Variants in SPMIP4 observed in about 807,000 individuals in gnomAD.
SPMIP4 encodes the protein sperm-associated microtubule inner protein 4.
At chr7:25,131,019 G>T in the SPMIP4 span, among the ~76,000 whole-genome samples, 3 of 152,312 alleles carry the variant, frequency 2.0e-5, no homozygotes, top group South Asian at 2.1e-4. This position sits in a 1 kb window ranked among gnomAD's most constrained non-coding sequence, Gnocchi z 4.2. Flanking sequence ...GGAGGTGAGT[G>T]GGGGGTGAGC....
the SPMIP4 span, among the ~76,000 whole-genome samples, chr7:25,126,525 T>C: frequency 6.6e-6 from 1 of 152,174 alleles, no homozygotes; most frequent in Non-Finnish European, 1.5e-5. Flanking sequence ...CAACATAACA[T>C]TGATTGCATA....
chr7:25,179,290 T>C, the SPMIP4 span: 1 of 1,611,814 alleles, frequency 6.2e-7, no homozygotes, highest in Non-Finnish European at 8.5e-7. Context: ...CAGTAGGGCC[T>C]GCCGTGAATG....
the SPMIP4 span, chr7:25,168,487 A>G: frequency 1.3e-6 from 2 of 1,560,944 alleles, no homozygotes; most frequent in Non-Finnish European, 1.7e-6. Flanking sequence ...GAGAGACTTC[A>G]AAGAGCCTCA....
At chr7:25,129,319 G>T in the SPMIP4 span, among the ~76,000 whole-genome samples, 1 of 152,208 alleles carries the variant, frequency 6.6e-6, no homozygotes, top group Non-Finnish European at 1.5e-5. Flanking sequence ...TGGCTGCTTG[G>T]ATGAATGACT....
chr7:25,164,747 C>T, the SPMIP4 span, among the ~76,000 whole-genome samples: 2 of 152,158 alleles, frequency 1.3e-5, no homozygotes, highest in Admixed American at 1.3e-4. Flanking sequence ...GTACACTGTA[C>T]CCAATGTGTA....
the SPMIP4 span, chr7:25,179,745 C>G: frequency 6.5e-6 from 1 of 153,216 alleles, no homozygotes; most frequent in Admixed American, 6.5e-5. Context: ...TTCGGGGATT[C>G]TGGACAAGAA....
At chr7:25,152,348 G>C in the SPMIP4 span, among the ~76,000 whole-genome samples, 1 of 152,140 alleles carries the variant, frequency 6.6e-6, no homozygotes, top group Non-Finnish European at 1.5e-5. Context: ...TTACCAAACA[G>C]CATGGCTCGC....
chr7:25,161,385 G>T, the SPMIP4 span: 1 of 459,372 alleles, frequency 2.2e-6, no homozygotes, highest in Non-Finnish European at 3.9e-6. Flanking sequence ...TATATGAAAA[G>T]GTGTCATTTT....
the SPMIP4 span, among the ~76,000 whole-genome samples, chr7:25,178,381 T>G: frequency 6.6e-6 from 1 of 152,212 alleles, no homozygotes; most frequent in African/African-American, 2.4e-5. Flanking sequence ...TAATTCTGTT[T>G]TGAGTTCTTT....
At chr7:25,175,686 T>C in the SPMIP4 span, among the ~76,000 whole-genome samples, 14 of 152,320 alleles carry the variant, frequency 9.2e-5, no homozygotes, top group Middle Eastern at 0.01. Context: ...CTTACCATTA[T>C]GAAGGTAATC....
the SPMIP4 span, chr7:25,142,754 C>A: frequency 1.3e-6 from 2 of 1,596,474 alleles, no homozygotes; most frequent in Admixed American, 1.8e-5. Flanking sequence ...GTGTTAGGAG[C>A]GAAGGTTTTA....
the SPMIP4 span, among the ~76,000 whole-genome samples, chr7:25,171,824 C>T: frequency 6.6e-6 from 1 of 152,184 alleles, no homozygotes. Flanking sequence ...AATGCTTACC[C>T]TCTCATGTTC....
At chr7:25,136,032 A>G in the SPMIP4 span, 173 of 1,613,904 alleles carry the variant, frequency 1.1e-4, no homozygotes, top group Non-Finnish European at 1.4e-4. The surrounding 1 kb of genome is among the most constrained non-coding windows in gnomAD (Gnocchi z 5.7). Flanking sequence ...CCGAATGCTC[A>G]TTATCCCTGA....
At chr7:25,175,788 G>A in the SPMIP4 span, among the ~76,000 whole-genome samples, 1 of 152,140 alleles carries the variant, frequency 6.6e-6, no homozygotes, top group African/African-American at 2.4e-5. Context: ...CCCTGCACTT[G>A]GTCTGAAGAA....
the SPMIP4 span, among the ~76,000 whole-genome samples, chr7:25,154,550 C>T: frequency 1.3e-5 from 2 of 152,212 alleles, no homozygotes; most frequent in Non-Finnish European, 2.9e-5. Context: ...GAACAAACTA[C>T]TCCCATTGCT....
At chr7:25,179,148 G>T in the SPMIP4 span, 4 of 1,573,184 alleles carry the variant, frequency 2.5e-6, no homozygotes, top group Admixed American at 1.9e-5. Context: ...GCTTTTTCTT[G>T]TTTGCTTTTT....
the SPMIP4 span, chr7:25,134,880 C>T: frequency 2.1e-4 from 210 of 985,202 alleles, 1 homozygote; most frequent in Non-Finnish European, 2.5e-4. Flanking sequence ...CTCCGATTTC[C>T]CCAGTATTAT....
At chr7:25,178,037 C>T in the SPMIP4 span, among the ~76,000 whole-genome samples, 2 of 152,202 alleles carry the variant, frequency 1.3e-5, no homozygotes, top group Non-Finnish European at 2.9e-5. Flanking sequence ...TTAGCTCCCA[C>T]TTATAAGTCA....
At chr7:25,130,783 A>G in the SPMIP4 span, among the ~76,000 whole-genome samples, 1 of 152,244 alleles carries the variant, frequency 6.6e-6, no homozygotes, top group Non-Finnish European at 1.5e-5. Context: ...GTTAAACTAT[A>G]AATTCCTCCC....
Sources: allele counts gnomAD v4.1 joint callset (sites outside exome capture counted in the v4.1 genomes callset), GRCh38; gene constraint gnomAD v4.1.1; non-coding constraint Gnocchi (gnomAD v3.1); transcripts MANE v1.5; gene names NCBI Gene and HGNC (gene_info 2026-07-23, HGNC 2026-07-21).